The following JMJD7 variants were observed in gnomAD, a reference collection of about 807,000 sequenced individuals.
JMJD7 encodes the protein bifunctional peptidase and (3S)-lysyl hydroxylase JMJD7.
A neutral mutation model predicts 41.1 loss-of-function variants in JMJD7; 41 were observed. That is an observed-to-expected ratio of 1.00 (90% CI 0.78 to 1.30). The LOEUF (loss-of-function observed/expected upper bound fraction) is 1.30. Ranked by LOEUF, JMJD7 falls within the 50% of genes most tolerant of loss-of-function variation. JMJD7 has a pLI of 0.00. For synonymous variants in JMJD7, 202 were observed against 177.2 expected (o/e 1.14, Z -1.11); for missense variants, 480 against 420.7 (o/e 1.14, Z -1.23).
intron 3 of JMJD7, 55 bp downstream of exon 3, chr15:41,835,278 G>A (rs1267711393): frequency 6.4e-7 from 1 of 1,556,444 alleles, no homozygotes; most frequent in African/African-American, 1.3e-5. Context: ...GGGAAGGAGG[G>A]GGGTCAGCCT....
intron 6 of JMJD7, 106 bp downstream of exon 6, chr15:41,836,657 T>G (rs7166139): frequency 1.4e-6 from 2 of 1,467,322 alleles, no homozygotes; most frequent in Non-Finnish European, 1.8e-6. Flanking sequence ...CTGAAAAGTC[T>G]CTAAGTCTGA....
At chr15:41,836,682 G>A in intron 6 of JMJD7, 99 bp from the exon 7 acceptor site, 1 of 1,476,824 alleles carries the variant, frequency 6.8e-7, no homozygotes, top group South Asian at 1.4e-5. Flanking sequence ...TTTCACTGCT[G>A]AGCCAAGCAG....
chr15:41,836,891 G>C lies in JMJD7; in HGVS notation c.813G>C (p.Leu271=). Reference sequence around the variant, plus strand: ...TGCGGGCCGGTGAGATGCTCTATCTGCCGGCTCTGTGGTTCCACCACGTCC... The same window carrying C: ...TGCGGGCCGGTGAGATGCTCTATCTCCCGGCTCTGTGGTTCCACCACGTCC... ...CTVRAGEMLY[L]PALWFHHVQQ... Residue 271 remains leucine (L), a synonymous_variant, in exon 7 of 8, where the codon CTG becomes CTC. Coordinates refer to ENST00000397299, the MANE Select transcript of JMJD7 (RefSeq NM_001114632.2). The C allele has an allele frequency of 1.2e-6, 2 of 1,613,544 alleles. No individual in the cohort carries two copies. Among genetic ancestry groups the C allele is most frequent in the Non-Finnish European group, 1.7e-6 (2 of 1,179,802 alleles).
chr15:41,835,757 G>A, intron 4 of JMJD7, 113 bp downstream of exon 4: 3 of 1,338,216 alleles, frequency 2.2e-6, no homozygotes, highest in Non-Finnish European at 3.0e-6. Flanking sequence ...TGTTCTCTAA[G>A]ATTTCTTTTG....
At chr15:41,836,375 G>C in intron 5 of JMJD7, 100 bp from the exon 6 acceptor site, 1 of 1,553,874 alleles carries the variant, frequency 6.4e-7, no homozygotes, top group South Asian at 1.2e-5. Context: ...CAGGGCCCCT[G>C]ATCCCCTTGC....
chr15:41,828,434 G>A, intron 1 of JMJD7: 1 of 425,486 alleles, frequency 2.4e-6, no homozygotes, highest in East Asian at 3.7e-5. Context: ...GAAGCCCTGT[G>A]TTTCCTACAG....
At chr15:41,831,092 C>G (rs1054616382) in intron 1 of JMJD7, among the ~76,000 whole-genome samples, 2 of 152,288 alleles carry the variant, frequency 1.3e-5, no homozygotes, top group Middle Eastern at 3.4e-3. Flanking sequence ...TTTTTCCGGC[C>G]CACCCATGGC....
At chr15:41,829,806 G>T (rs185897699) in intron 1 of JMJD7, among the ~76,000 whole-genome samples, 65 of 152,126 alleles carry the variant, frequency 4.3e-4, no homozygotes, top group African/African-American at 1.5e-3. Context: ...CAGTACTCAC[G>T]CCTGTAATCC....
intron 1 of JMJD7, 143 bp downstream of exon 1, chr15:41,828,331 C>T (rs1335907982): frequency 3.0e-6 from 3 of 1,015,796 alleles, no homozygotes; most frequent in Middle Eastern, 3.3e-4. Flanking sequence ...AACCTGCTTC[C>T]CTTCTCCCGT....
chr15:41,830,848 G>A (rs749226129), intron 1 of JMJD7, among the ~76,000 whole-genome samples: 1 of 152,222 alleles, frequency 6.6e-6, no homozygotes, highest in Non-Finnish European at 1.5e-5. Context: ...CTGGCCTTTG[G>A]GTGCCAACGA....
At chr15:41,834,945 A>G (rs576647114) in intron 2 of JMJD7, 25 bp from the exon 3 acceptor site, 2 of 1,613,690 alleles carry the variant, frequency 1.2e-6, no homozygotes, top group East Asian at 2.2e-5. Flanking sequence ...GCATCTGGGC[A>G]TGGGCTGAGT....
intron 1 of JMJD7, among the ~76,000 whole-genome samples, chr15:41,830,496 C>G (rs1432388502): frequency 6.6e-6 from 1 of 152,194 alleles, no homozygotes; most frequent in Non-Finnish European, 1.5e-5. Context: ...CCCACCCCTT[C>G]CAAGTTGGTG....
intron 1 of JMJD7, among the ~76,000 whole-genome samples, chr15:41,833,916 G>A (rs2065270417): frequency 6.6e-6 from 1 of 152,100 alleles, no homozygotes. Context: ...GAGAGGAGAC[G>A]GTGGGTTTGA....
intron 5 of JMJD7, 107 bp from the exon 6 acceptor site, chr15:41,836,368 G>A (rs773438243): frequency 1.3e-4 from 196 of 1,556,066 alleles, no homozygotes; most frequent in Non-Finnish European, 1.7e-4. Context: ...AGTGCACCAG[G>A]GCCCCTGATC....
intron 3 of JMJD7, 118 bp downstream of exon 3, chr15:41,835,341 G>T: frequency 7.0e-7 from 1 of 1,424,310 alleles, no homozygotes; most frequent in Middle Eastern, 2.5e-4. Flanking sequence ...TCAGCATCTG[G>T]TGCAGCTCAC....
rs1304269777 is a variant in JMJD7 at position 41,835,096 on chromosome 15, G to A, written c.345G>A (p.Val115=). The A allele has an allele frequency of 6.2e-7, 1 of 1,613,204 alleles. No homozygotes were observed. Among genetic ancestry groups the A allele is most frequent in the Non-Finnish European group, 8.5e-7 (1 of 1,180,038 alleles). Residue 115 remains valine (V), a synonymous_variant, in exon 3 of 8, where the codon GTG becomes GTA. Transcript: ENST00000397299. The part of the protein sequence containing the change: ...RRLPLSFVLD[V]LEGRAQHPGV... ...TGCCCCTGAGCTTCGTGCTGGATGTGCTGGAGGGCCGGGCCCAGCACCCTG... is the reference window on the plus strand; with the variant it reads ...TGCCCCTGAGCTTCGTGCTGGATGTACTGGAGGGCCGGGCCCAGCACCCTG...
chr15:41,828,169 A>G lies in JMJD7; in HGVS notation c.45A>G (p.Glu15=). The G allele has an allele frequency of 1.3e-6, 2 of 1,494,086 alleles. No homozygotes were observed. Among genetic ancestry groups the G allele is most frequent in the Non-Finnish European group, 1.8e-6 (2 of 1,130,558 alleles). The allele number at this position is 1,494,086 out of a possible 1,614,324, so 92.6% of individuals were successfully genotyped here. The change falls in exon 1 of 8, where the codon GAA becomes GAG. Residue 15 remains glutamate (E), a synonymous_variant. Coordinates refer to ENST00000397299, the MANE Select transcript of JMJD7 (RefSeq NM_001114632.2). ...ALEAVRSELR[E]FPAAARELCV... ...AAGCCGTGCGGAGCGAGTTACGAGA[A>G]TTCCCGGCCGCTGCAAGGGGTGAGT...
rs772845928 is a variant in JMJD7, at chr15:41,835,233, G to C, written c.472+10G>C. 1 of 1,595,832 alleles carries C rather than the reference G, an allele frequency of 6.3e-7. No individual in the cohort carries two copies. Among genetic ancestry groups the C allele is most frequent in the East Asian group, 2.2e-5 (1 of 44,786 alleles). ...GCCTCCGAAGCCCTGGGTGAGTGGA[G>C]GTGGGGTGGTCGTGGCCCTGGACAG... On this transcript the variant is annotated intron_variant, in intron 3 of 7. Coordinates refer to ENST00000397299, the MANE Select transcript of JMJD7 (RefSeq NM_001114632.2).
chr15:41,832,394 G>A (rs950946912), intron 1 of JMJD7: 4 of 174,264 alleles, frequency 2.3e-5, no homozygotes, highest in South Asian at 1.3e-4. Context: ...TTATGGCTGC[G>A]GTGAGCTATT....
Sources: gnomAD v4.1 joint callset for allele counts (sites outside exome capture counted in the v4.1 genomes callset) on GRCh38, gnomAD v4.1.1 for gene constraint, MANE v1.5 for transcripts, NCBI Gene and HGNC (gene_info 2026-07-23, HGNC 2026-07-21) for gene names.